The following GAB4 variants were observed in gnomAD, a reference collection of about 807,000 sequenced individuals.
The protein encoded by GAB4 is GRB2-associated-binding protein 4.
Under a neutral mutation model 51.3 loss-of-function variants are expected in GAB4, and 26 were observed. The ratio of observed to expected loss-of-function variants is 0.51; its 90% CI spans 0.37 to 0.70. The LOEUF (loss-of-function observed/expected upper bound fraction) is 0.70. GAB4 is among the 30% of genes least tolerant of loss of function. GAB4 has a pLI of 0.00. For missense variants in GAB4, 759 were observed against 734.6 expected, an observed-to-expected ratio of 1.03 and a Z score of -0.38; for synonymous variants, 329 against 291.2, an observed-to-expected ratio of 1.13 and a Z score of -1.32.
chr22:16,982,389 A>G (rs902745699), intron 3 of GAB4, among the ~76,000 whole-genome samples: 4 of 152,248 alleles, frequency 2.6e-5, no homozygotes, highest in Non-Finnish European at 5.9e-5. Context: ...AACAACAAAC[A>G]GTCTAAAAAA....
At chr22:16,993,011 T>C (rs1004456809) in intron 1 of GAB4, among the ~76,000 whole-genome samples, 4 of 152,176 alleles carry the variant, frequency 2.6e-5, no homozygotes, top group African/African-American at 9.7e-5. Flanking sequence ...CTTTTTTCTA[T>C]CTTGTTCACT....
chr22:16,989,135 T>C (rs568474470), intron 2 of GAB4, among the ~76,000 whole-genome samples: 2 of 152,348 alleles, frequency 1.3e-5, no homozygotes, highest in East Asian at 1.9e-4. Flanking sequence ...GGTACATAGA[T>C]AGTTTTTAGT....
At position 16,970,128 on chromosome 22, in the gene GAB4, T is replaced by C; in HGVS notation, c.752A>G (p.Asn251Ser). ...FIMRRNTAMQNLAQHSGYSVD... is the reference protein window; with the variant it reads ...FIMRRNTAMQSLAQHSGYSVD... ...ACTGTATCCACTGTGCTGGGCAAGA[T>C]TTTGCATGGCTGTGTTTCTCCTCAT... is the stretch of plus-strand genomic sequence containing the variant. The change falls in exon 4 of 10, where the codon AAT becomes AGT. Residue 251 changes from asparagine to serine, a missense_variant. By Grantham distance (46) the Asn-to-Ser change is conservative. Coordinates refer to ENST00000400588, the MANE Select transcript of GAB4 (RefSeq NM_001037814.1). 1 of 1,614,062 alleles carries C rather than the reference T, an allele frequency of 6.2e-7. No homozygotes were observed. The highest frequency in any genetic ancestry group is 8.5e-7 in the Non-Finnish European group (1 of 1,180,006).
intron 4 of GAB4, chr22:16,969,601 G>T (rs2060712024): frequency 1.7e-6 from 1 of 584,806 alleles, no homozygotes; most frequent in Non-Finnish European, 3.0e-6. Context: ...CTCAGTGAGG[G>T]CTCATACTGA....
chr22:17,000,801 G>C (rs556756627), intron 1 of GAB4, among the ~76,000 whole-genome samples: 1 of 152,182 alleles, frequency 6.6e-6, no homozygotes, highest in Non-Finnish European at 1.5e-5. Context: ...CATGTTTAGT[G>C]CTTCCTTCAG....
intron 1 of GAB4, among the ~76,000 whole-genome samples, chr22:16,994,386 T>C (rs893118582): frequency 6.6e-6 from 1 of 152,180 alleles, no homozygotes; most frequent in South Asian, 2.1e-4. Context: ...CTGAGGAACA[T>C]AAAAATAAGT....
chr22:16,964,920 G>A, intron 7 of GAB4, 58 bp from the exon 8 acceptor site: 1 of 1,348,464 alleles, frequency 7.4e-7, no homozygotes, highest in Admixed American at 1.8e-5. Context: ...CTGCTGTCAG[G>A]GCTCCAGCCT....
In GAB4 at chr22:17,008,140, G is replaced by C. The variant is rs753520062; in HGVS notation, c.-26C>G. ...GGGGGCTGCAGCTCACAGTGAAGGTGGGGGAGACAGGGCGAGAGGGCGTTG... is the reference window on the plus strand; with the variant it reads ...GGGGGCTGCAGCTCACAGTGAAGGTCGGGGAGACAGGGCGAGAGGGCGTTG... On this transcript the variant is annotated 5_prime_UTR_variant, in exon 1 of 10. Coordinates refer to ENST00000400588, the MANE Select transcript of GAB4 (RefSeq NM_001037814.1). The C allele has an allele frequency of 6.5e-7, 1 of 1,540,962 alleles. No individual in the cohort carries two copies. The highest frequency in any genetic ancestry group is 8.9e-7 in the Non-Finnish European group (1 of 1,124,852).
chr22:16,975,979 TCAA>T lies in GAB4; in HGVS notation c.687-5789_687-5787del, dbSNP rs557377612. Among the ~76,000 whole-genome samples, 976 of 148,978 alleles carry T rather than the reference TCAA, an allele frequency of 6.6e-3. 12 individuals are homozygous for T. Among genetic ancestry groups the T allele is most frequent in the African/African-American group, 0.023 (921 of 40,260 alleles). Reference sequence around the variant, plus strand: ...AACTAACAAACAGAAAGGAATAGCATCAACAACAACAAAAAAAAACATCCACAC... The same window carrying T: ...AACTAACAAACAGAAAGGAATAGCATCAACAACAAAAAAAAACATCCACAC... On this transcript the variant is annotated intron_variant, in intron 3 of 9. Coordinates refer to ENST00000400588, the MANE Select transcript of GAB4 (RefSeq NM_001037814.1).
In GAB4 at chr22:16,962,852, C is replaced by T. The variant is rs781357923; in HGVS notation, c.1606G>A (p.Gly536Ser). 57 of 1,612,992 alleles carry T rather than the reference C, an allele frequency of 3.5e-5. No homozygotes were observed. The East Asian group carries it at 6.0e-4, about 17-fold the overall frequency. The change falls in exon 10 of 10, where the codon GGC becomes AGC. Residue 536 changes from glycine to serine, a missense_variant. By Grantham distance (56) the Gly-to-Ser change is moderately conservative (BLOSUM62 0). Transcript: ENST00000400588. ...ACCTGGACATAGTCCACCTTCTTGC[C>T]GGACGTGACAGAGCCTATGGATGGC... The part of the protein sequence containing the change: ...SKPSIGSVTS[G>S]KKVDYVQVDL...
rs772346966 is a variant in GAB4, at chr22:16,970,129, T to C, written c.751A>G (p.Asn251Asp). 6.2e-7 allele frequency: 1 copy of C among 1,614,028 alleles called. No homozygotes were observed. Among genetic ancestry groups the C allele is most frequent in the Admixed American group, 1.7e-5 (1 of 60,004 alleles). Residue 251 changes from asparagine to aspartate, a missense_variant, in exon 4 of 10, where the codon AAT (asparagine) becomes GAT (aspartate). Coordinates refer to ENST00000400588, the MANE Select transcript of GAB4 (RefSeq NM_001037814.1). The stretch of plus-strand genomic sequence containing the variant: ...CTGTATCCACTGTGCTGGGCAAGAT[T>C]TTGCATGGCTGTGTTTCTCCTCATG... ...FIMRRNTAMQ[N>D]LAQHSGYSVD... is the part of the protein sequence containing the mutation.
In GAB4 at chr22:16,991,748, C is replaced by G. The variant is rs1350180428; in HGVS notation, c.478+125G>C. On this transcript the variant is annotated intron_variant, in intron 2 of 9. Transcript: ENST00000400588. ...GGTGTCTGAAGAAACACCAAAAATG[C>G]CTTTAGCTTCATCACGAGCCCAACA... 3.8e-6 allele frequency: 3 copies of G among 794,290 alleles called. No individual in the cohort carries two copies. The East Asian group carries it at 7.3e-5, about 19-fold the overall frequency. 49.2% of individuals were successfully genotyped at this position (794,290 alleles called of 1,614,324 possible). A position where few individuals can be genotyped will look rare whatever the true frequency, so the allele number is the denominator to read the frequency against.
intron 2 of GAB4, among the ~76,000 whole-genome samples, chr22:16,989,023 G>A (rs994688097): frequency 3.9e-5 from 6 of 152,106 alleles, no homozygotes; most frequent in Admixed American, 2.0e-4. Context: ...CGTTACATGC[G>A]TGATCCCATC....
chr22:16,962,657 T>C lies in GAB4; in HGVS notation c.*76A>G. ...TCTATGTAAGGGATGCGGTCCCTGATATTACAGAGCTTTAGAGTGTGGCGG... is the reference window on the plus strand; with the variant it reads ...TCTATGTAAGGGATGCGGTCCCTGACATTACAGAGCTTTAGAGTGTGGCGG... On this transcript the variant is annotated 3_prime_UTR_variant, in exon 10 of 10. Coordinates refer to ENST00000400588, the MANE Select transcript of GAB4 (RefSeq NM_001037814.1). The C allele has an allele frequency of 2.2e-6, 3 of 1,348,018 alleles. No individual in the cohort carries two copies. The highest frequency in any genetic ancestry group is 3.1e-6 in the Non-Finnish European group (3 of 983,508). The allele number at this position is 1,348,018 out of a possible 1,614,324, so 83.5% of individuals were successfully genotyped here. A position where few individuals can be genotyped will look rare whatever the true frequency, so the allele number is the denominator to read the frequency against.
At chr22:16,967,993 G>A (rs1234441347) in intron 5 of GAB4, among the ~76,000 whole-genome samples, 2 of 152,058 alleles carry the variant, frequency 1.3e-5, no homozygotes, top group Non-Finnish European at 2.9e-5. Flanking sequence ...TGCTCCAGGG[G>A]ACCTCATGGG....
chr22:16,963,698 G>A (rs1386117311), intron 9 of GAB4, 27 bp downstream of exon 9: 1 of 1,570,556 alleles, frequency 6.4e-7, no homozygotes, highest in South Asian at 1.1e-5. Flanking sequence ...CAAGGGCTCT[G>A]CCCAACCCCA....
chr22:16,963,846 GA>G lies in GAB4; in HGVS notation c.1477-18del, dbSNP rs745371044. 526 of 1,602,826 alleles carry G rather than the reference GA, an allele frequency of 3.3e-4. 1 individual carries two copies. The highest frequency in any genetic ancestry group is 7.8e-5 in the Non-Finnish European group (91 of 1,170,364). Reference sequence around the variant, plus strand: ...TGCCGGGTTCTGCTGTCACAAGGAGGAAAATCCTGCAAATGAGTTCAGGACA... The same window carrying G: ...TGCCGGGTTCTGCTGTCACAAGGAGGAAATCCTGCAAATGAGTTCAGGACA... On this transcript the variant is annotated intron_variant, in intron 8 of 9. Transcript: ENST00000400588.
chr22:16,989,037 G>C (rs1402577940), intron 2 of GAB4, among the ~76,000 whole-genome samples: 4 of 152,154 alleles, frequency 2.6e-5, no homozygotes, highest in Non-Finnish European at 5.9e-5. Flanking sequence ...TCCCATCATA[G>C]GCACTTCCTT....
chr22:17,002,576 C>T (rs2061006257), intron 1 of GAB4, among the ~76,000 whole-genome samples: 1 of 151,912 alleles, frequency 6.6e-6, no homozygotes, highest in African/African-American at 2.4e-5. Context: ...GGATCAAATT[C>T]ACACATAACA....
Sources: allele counts gnomAD v4.1 joint callset (sites outside exome capture counted in the v4.1 genomes callset), GRCh38; gene constraint gnomAD v4.1.1; transcripts MANE v1.5; gene names NCBI Gene and HGNC (gene_info 2026-07-23, HGNC 2026-07-21).